The following INSL6 variants were observed in gnomAD, a reference collection of about 807,000 sequenced individuals.
INSL6 encodes insulin like 6, also known as insulin-like peptide INSL6.
Under a neutral mutation model 9.4 loss-of-function variants are expected in INSL6, and 16 were observed. The observed-to-expected ratio is 1.70, with a 90% confidence interval of 1.15 to 2.59. The LOEUF is 2.59. Among genes scored for constraint, INSL6 ranks in the 30% most tolerant of loss-of-function variants. The probability of loss-of-function intolerance (pLI) is 0.00; values close to 1 mark genes in which losing one functional copy is unlikely to be tolerated. For synonymous variants in INSL6, 154 were observed against 96.9 expected (o/e 1.59, Z -3.46); for missense variants, 391 against 257.3 (o/e 1.52, Z -3.56).
intron 3 of INSL6, among the ~76,000 whole-genome samples, chr9:5,132,405 TA>T (rs1469207218): frequency 2.0e-5 from 3 of 152,184 alleles, no homozygotes; most frequent in African/African-American, 7.2e-5. Context: ...ACTACTGTCC[TA>T]AATGTGGAAG....
the INSL6 span, chr9:5,078,528 A>G: frequency 6.3e-5 from 62 of 976,498 alleles, no homozygotes; most frequent in Non-Finnish European, 8.9e-5. Flanking sequence ...TTTTCCTTGA[A>G]TTCCATTTAA....
At chr9:5,090,744 G>A in the INSL6 span, 1 of 1,601,726 alleles carries the variant, frequency 6.2e-7, no homozygotes, top group Non-Finnish European at 8.5e-7. Flanking sequence ...CATAGGGTAT[G>A]GAGTATCTTG....
the INSL6 span, among the ~76,000 whole-genome samples, chr9:5,015,945 T>G: frequency 6.6e-6 from 1 of 152,148 alleles, no homozygotes; most frequent in South Asian, 2.1e-4. Flanking sequence ...TACATATATA[T>G]AGATTATAAG....
At chr9:5,048,540 C>G in the INSL6 span, among the ~76,000 whole-genome samples, 3 of 152,138 alleles carry the variant, frequency 2.0e-5, no homozygotes, top group African/African-American at 7.2e-5. Context: ...CTTGCCTGTT[C>G]TCAAAAGTGT....
the INSL6 span, chr9:5,070,151 A>G: frequency 3.9e-6 from 3 of 772,916 alleles, no homozygotes; most frequent in Non-Finnish European, 3.8e-6. Context: ...ATTTTGTTAT[A>G]TACAAATTTA....
chr9:4,996,268 G>C, the INSL6 span, among the ~76,000 whole-genome samples: 3 of 152,178 alleles, frequency 2.0e-5, no homozygotes, highest in Admixed American at 6.5e-5. Context: ...GACTAACATG[G>C]TGAAACCCTG....
At chr9:5,116,409 T>C in the INSL6 span, among the ~76,000 whole-genome samples, 30 of 152,326 alleles carry the variant, frequency 2.0e-4, no homozygotes, top group Non-Finnish European at 3.8e-4. Flanking sequence ...TGATAAACAT[T>C]AGAACTGCGT....
At chr9:5,041,154 G>A in the INSL6 span, 2 of 1,144,452 alleles carry the variant, frequency 1.7e-6, no homozygotes, top group Non-Finnish European at 2.6e-6. Flanking sequence ...CTGATCACGC[G>A]CATGGATTAT....
At chr9:5,048,300 C>A in the INSL6 span, among the ~76,000 whole-genome samples, 1 of 152,060 alleles carries the variant, frequency 6.6e-6, no homozygotes, top group African/African-American at 2.4e-5. Context: ...TGCCACTACG[C>A]CCGGCTAATT....
chr9:5,177,072 G>C (rs7021217), intron 1 of INSL6, among the ~76,000 whole-genome samples: 1,750 of 152,230 alleles, frequency 0.011, 24 homozygotes, highest in African/African-American at 0.04. Context: ...AGGTCAATGG[G>C]GTCGGGGGGA....
the INSL6 span, chr9:5,040,965 C>T: frequency 5.5e-4 from 307 of 555,182 alleles, 4 homozygotes; most frequent in African/African-American, 5.2e-3. Context: ...TCTATACAAA[C>T]AAATATGTGG....
the INSL6 span, among the ~76,000 whole-genome samples, chr9:5,048,376 T>C: frequency 6.6e-6 from 1 of 151,962 alleles, no homozygotes; most frequent in Non-Finnish European, 1.5e-5. Context: ...CTCCTGACCT[T>C]GTCATCTGCC....
At chr9:5,116,228 T>TA in the INSL6 span, among the ~76,000 whole-genome samples, 1 of 152,210 alleles carries the variant, frequency 6.6e-6, no homozygotes, top group Admixed American at 6.5e-5. Context: ...GCATGACTAG[T>TA]AAATCACTGG....
chr9:5,072,049 C>T, the INSL6 span, among the ~76,000 whole-genome samples: 1 of 152,004 alleles, frequency 6.6e-6, no homozygotes, highest in Admixed American at 6.6e-5. Flanking sequence ...ATGAAGAAAC[C>T]ACGACAGCTG....
intron 1 of INSL6, among the ~76,000 whole-genome samples, chr9:5,170,220 A>G (rs191230959): frequency 6.6e-6 from 1 of 152,330 alleles, no homozygotes; most frequent in East Asian, 1.9e-4. Context: ...ACATAAGTAC[A>G]TGGAAATTCA....
chr9:4,997,129 A>G, the INSL6 span, among the ~76,000 whole-genome samples: 1 of 151,330 alleles, frequency 6.6e-6, no homozygotes, highest in East Asian at 1.9e-4. Context: ...ATGGGGTTTC[A>G]CCGTGTCACT....
At chr9:5,128,981 T>C (rs1487239173) in intron 3 of INSL6, among the ~76,000 whole-genome samples, 2 of 152,022 alleles carry the variant, frequency 1.3e-5, no homozygotes, top group African/African-American at 4.8e-5. Flanking sequence ...GGTACTTGTT[T>C]GGAAAATAGT....
chr9:5,100,636 C>T, the INSL6 span: 1 of 152,238 alleles, frequency 6.6e-6, no homozygotes, highest in African/African-American at 2.4e-5. Context: ...TTTCTGAATA[C>T]ATCTGTATTA....
the INSL6 span, chr9:5,081,704 T>C: frequency 6.0e-5 from 92 of 1,541,896 alleles, no homozygotes; most frequent in Non-Finnish European, 8.0e-5. Flanking sequence ...TTTAAGGTGA[T>C]AATATTCTTT....
Sources: allele counts gnomAD v4.1 joint callset (sites outside exome capture counted in the v4.1 genomes callset), GRCh38; gene constraint gnomAD v4.1.1; transcripts MANE v1.5; gene names NCBI Gene and HGNC (gene_info 2026-07-23, HGNC 2026-07-21).